Variants in ERCC8 observed in about 807,000 individuals in gnomAD.
ERCC8 encodes ERCC excision repair 8, CSA ubiquitin ligase complex subunit.
Under a neutral mutation model 54.9 loss-of-function variants are expected in ERCC8, and 52 were observed. That is an observed-to-expected ratio of 0.95 (90% confidence interval 0.76 to 1.19). The LOEUF is 1.19. ERCC8 is among the 50% of genes most tolerant of loss of function. ERCC8 has a pLI of 0.00. For missense variants in ERCC8, 514 were observed against 466.1 expected, an observed-to-expected ratio of 1.10 and a Z score of -0.95; for synonymous variants, 146 against 157.2, an observed-to-expected ratio of 0.93 and a Z score of 0.53.
chr5:60,880,289 G>A (rs572744422), intron 11 of ERCC8, among the ~76,000 whole-genome samples: 5 of 152,148 alleles, frequency 3.3e-5, no homozygotes, highest in South Asian at 4.1e-4. Flanking sequence ...CTCTCTGGCT[G>A]CCCTTAACAT....
At chr5:60,922,929 C>T (rs1749641551) in intron 2 of ERCC8, among the ~76,000 whole-genome samples, 1 of 152,056 alleles carries the variant, frequency 6.6e-6, no homozygotes, top group Non-Finnish European at 1.5e-5. Flanking sequence ...AGCAGTTTCC[C>T]TGATTGCAAT....
rs553846092 is a variant in ERCC8, at chr5:60,904,122, T to C, written c.482-406A>G. The stretch of plus-strand genomic sequence containing the variant: ...TACAGTTCTATTCCATTTTATCACA[T>C]CAAATCATTGTATTTTAATAGCTTA... On this transcript the variant is annotated intron_variant, in intron 5 of 11. Transcript: ENST00000676185. 3.9e-5 allele frequency among the ~76,000 whole-genome samples: 6 copies of C among 152,214 alleles called. No individual in the cohort carries two copies. In the South Asian group the frequency reaches 1.2e-3, roughly 32 times the overall value.
chr5:60,898,437 G>T (rs969558459), intron 8 of ERCC8, 37 bp from the exon 9 acceptor site: 20 of 1,610,152 alleles, frequency 1.2e-5, no homozygotes, highest in Non-Finnish European at 1.6e-5. Context: ...ATCTGTTCTT[G>T]TATTCAGGAC....
intron 11 of ERCC8, among the ~76,000 whole-genome samples, chr5:60,878,656 C>G (rs144950639): frequency 0.013 from 2,003 of 152,282 alleles, 19 homozygotes; most frequent in Non-Finnish European, 0.022. Flanking sequence ...AGTTTATTTG[C>G]ATAGAGGTGT....
chr5:60,919,627 C>G (rs532767099), intron 3 of ERCC8: 1 of 152,126 alleles, frequency 6.6e-6, no homozygotes, highest in East Asian at 1.9e-4. Flanking sequence ...CTAATTTTCT[C>G]TTTCCTCTCT....
At chr5:60,934,196 C>T (rs1162393771) in intron 1 of ERCC8, among the ~76,000 whole-genome samples, 1 of 152,108 alleles carries the variant, frequency 6.6e-6, no homozygotes, top group Non-Finnish European at 1.5e-5. Context: ...GTTGACATTC[C>T]CACTGGCAGT....
chr5:60,879,382 G>A (rs563588117), intron 11 of ERCC8, among the ~76,000 whole-genome samples: 20 of 152,292 alleles, frequency 1.3e-4, no homozygotes, highest in Middle Eastern at 3.4e-3. Context: ...ATGTCTATTA[G>A]GTCTGCTTGG....
intron 4 of ERCC8, among the ~76,000 whole-genome samples, chr5:60,915,668 GA>G (rs1262790336): frequency 6.6e-6 from 1 of 151,864 alleles, no homozygotes; most frequent in Non-Finnish European, 1.5e-5. Flanking sequence ...CTTGGCTTGT[GA>G]TCCCCTTAAT....
At chr5:60,909,595 A>G (rs550206135) in intron 4 of ERCC8, 14 of 153,746 alleles carry the variant, frequency 9.1e-5, no homozygotes, top group Non-Finnish European at 1.7e-4. Context: ...AGTAGTAAAT[A>G]TATTTCTCTT....
At chr5:60,905,238 C>T (rs1253417704) in intron 4 of ERCC8, among the ~76,000 whole-genome samples, 1 of 152,044 alleles carries the variant, frequency 6.6e-6, no homozygotes, top group Non-Finnish European at 1.5e-5. Context: ...CTACCACACC[C>T]AGGACGCTGT....
chr5:60,899,194 A>C (rs1748803894), intron 8 of ERCC8, among the ~76,000 whole-genome samples: 1 of 152,000 alleles, frequency 6.6e-6, no homozygotes, highest in South Asian at 2.1e-4. Flanking sequence ...ATTAAATTCT[A>C]CTGTAAAAAT....
intron 1 of ERCC8, among the ~76,000 whole-genome samples, chr5:60,936,749 T>C (rs546782094): frequency 3.7e-4 from 57 of 152,374 alleles, no homozygotes; most frequent in African/African-American, 1.3e-3. Flanking sequence ...AAAGAATTTT[T>C]TAATTTCCAT....
chr5:60,879,811 CTT>C (rs1484715308), intron 11 of ERCC8, among the ~76,000 whole-genome samples: 1 of 152,200 alleles, frequency 6.6e-6, no homozygotes, highest in African/African-American at 2.4e-5. Flanking sequence ...GGTCTTGACT[CTT>C]TATCCAATTT....
intron 9 of ERCC8, chr5:60,893,228 T>A: frequency 2.0e-6 from 2 of 1,000,894 alleles, no homozygotes; most frequent in Non-Finnish European, 3.2e-6. Flanking sequence ...GGACTCCTTG[T>A]AATAAGCCTT....
chr5:60,928,903 C>T lies in ERCC8; in HGVS notation c.134G>A (p.Gly45Glu). The part of the protein sequence containing the change: ...DRDVERIHGG[G>E]INTLDIEPVE... The stretch of plus-strand genomic sequence containing the variant: ...AGGTTCAATGTCAAGGGTGTTAATT[C>T]CACCGCCGTGGATTCTTTCAACATC... The change falls in exon 2 of 12, where the codon GGA (glycine) becomes GAA (glutamate). Residue 45 changes from glycine (G) to glutamate (E), a missense_variant. Physicochemically the swap from Gly to Glu is moderately conservative, Grantham distance 98. Transcript: ENST00000676185. The T allele has an allele frequency of 6.2e-7, 1 of 1,609,584 alleles. No homozygotes were observed.
chr5:60,892,930 C>A lies in ERCC8; in HGVS notation c.844-1844G>T, dbSNP rs1056022490. The A allele has an allele frequency of 9.3e-6, 7 of 749,198 alleles. No individual in the cohort carries two copies. In the African/African-American group the frequency reaches 1.0e-4, roughly 11 times the overall value. The allele number at this position is 749,198 out of a possible 1,614,324, so 46.4% of individuals were successfully genotyped here. ...ATATGGATGTGGGTGCGCATTTCAC[C>A]AAGGCAGCAATAGTTCCCCAGAACC... On this transcript the variant is annotated intron_variant, in intron 9 of 11. Coordinates refer to ENST00000676185, the MANE Select transcript of ERCC8 (RefSeq NM_000082.4).
intron 2 of ERCC8, among the ~76,000 whole-genome samples, chr5:60,923,836 T>C (rs1300511441): frequency 6.6e-6 from 1 of 152,114 alleles, no homozygotes; most frequent in East Asian, 1.9e-4. Flanking sequence ...TCAAAAATTC[T>C]TCACAGAGAT....
chr5:60,881,808 C>G (rs982782430), intron 11 of ERCC8, among the ~76,000 whole-genome samples: 76 of 152,338 alleles, frequency 5.0e-4, no homozygotes, highest in Non-Finnish European at 2.9e-5. Flanking sequence ...TTGTGCTTCC[C>G]AGGTGAGGCG....
At position 60,918,288 on chromosome 5, in the gene ERCC8, C is replaced by T. The variant is rs1749497478; in HGVS notation, c.376G>A (p.Val126Ile). The change falls in exon 4 of 12, where the codon GTA (valine) becomes ATA (isoleucine). Residue 126 changes from valine to isoleucine, a missense_variant. Physicochemically the swap from Val to Ile is conservative, Grantham distance 29. Coordinates refer to ENST00000676185, the MANE Select transcript of ERCC8 (RefSeq NM_000082.4). ...TSSSFDKTLK[V>I]WDTNTLQTAD... The stretch of plus-strand genomic sequence containing the variant: ...ACTTGTAATGTATTTGTATCCCATA[C>T]TTTCAGAGTTTTATCAAATGAGCTT... 1.9e-6 allele frequency: 3 copies of T among 1,598,748 alleles called. No homozygotes were observed. Among genetic ancestry groups the T allele is most frequent in the Admixed American group, 3.3e-5 (2 of 59,800 alleles).
Sources: allele counts gnomAD v4.1 joint callset (sites outside exome capture counted in the v4.1 genomes callset), GRCh38; gene constraint gnomAD v4.1.1; transcripts MANE v1.5; gene names NCBI Gene and HGNC (gene_info 2026-07-23, HGNC 2026-07-21).